The following THSD1 variants were observed in gnomAD, a reference collection of about 807,000 sequenced individuals.
THSD1 encodes thrombospondin type 1 domain containing 1, also known as thrombospondin type-1 domain-containing protein 1.
In THSD1, 34 loss-of-function variants were observed where a neutral mutation model predicts 46.3. The ratio of observed to expected loss-of-function variants is 0.74; its 90% confidence interval spans 0.56 to 0.98. The LOEUF (loss-of-function observed/expected upper bound fraction) is 0.98, where lower values mean the gene tolerates loss of function less well. Ranked by LOEUF, THSD1 falls within the 50% of genes least tolerant of loss-of-function variation. The pLI, the probability that THSD1 is intolerant of heterozygous loss-of-function variation, is 0.00. For missense variants in THSD1, 1,023 were observed against 1,058.3 expected (o/e 0.97, Z 0.46); for synonymous variants, 407 against 416.5 (o/e 0.98, Z 0.28).
Position 52,377,299 on chromosome 13 carries a change from C to G in THSD1, c.*112G>C. The G allele has an allele frequency of 7.1e-7, 1 of 1,398,838 alleles. No individual in the cohort carries two copies. Among genetic ancestry groups the G allele is most frequent in the Non-Finnish European group, 9.3e-7 (1 of 1,070,706 alleles). 86.7% of individuals were successfully genotyped at this position (1,398,838 alleles called of 1,614,324 possible). On this transcript the variant is annotated 3_prime_UTR_variant, in exon 5 of 5. Transcript: ENST00000258613. ...CACATGCATACACACACATCCTCCT[C>G]TGTGTGTTACTTCCTCCTCACATTC... is the stretch of plus-strand genomic sequence containing the variant.
chr13:52,399,683 A>ATTTG (rs1957838832), intron 2 of THSD1, among the ~76,000 whole-genome samples: 1 of 152,346 alleles, frequency 6.6e-6, no homozygotes, highest in Non-Finnish European at 1.5e-5. Context: ...CACTTGTTTG[A>ATTTG]AAACCATAAT....
At chr13:52,385,194 A>C (rs967876207) in intron 4 of THSD1, among the ~76,000 whole-genome samples, 6 of 152,182 alleles carry the variant, frequency 3.9e-5, no homozygotes, top group African/African-American at 1.2e-4. Context: ...GGAATTGGAG[A>C]GTACAATGAC....
chr13:52,382,258 T>TAAA (rs1957698885), intron 4 of THSD1, among the ~76,000 whole-genome samples: 1 of 152,156 alleles, frequency 6.6e-6, no homozygotes, highest in Admixed American at 6.5e-5. Flanking sequence ...TTCACACAGT[T>TAAA]GCCAGTACTA....
chr13:52,385,577 C>A (rs1041530262), intron 4 of THSD1, among the ~76,000 whole-genome samples: 1 of 152,100 alleles, frequency 6.6e-6, no homozygotes, highest in African/African-American at 2.4e-5. Context: ...GACAGGGAGT[C>A]TTGCCCCATT....
chr13:52,404,550 T>G (rs1957892128), intron 1 of THSD1, among the ~76,000 whole-genome samples: 1 of 152,224 alleles, frequency 6.6e-6, no homozygotes, highest in Admixed American at 6.5e-5. Context: ...AAAATTGTTT[T>G]GGGTGGAATT....
At chr13:52,391,713 T>G (rs560159376) in intron 3 of THSD1, among the ~76,000 whole-genome samples, 1 of 151,864 alleles carries the variant, frequency 6.6e-6, no homozygotes, top group Non-Finnish European at 1.5e-5. Context: ...CCGGCTAATT[T>G]TTGTATATTT....
intron 2 of THSD1, 141 bp from the exon 3 acceptor site, chr13:52,398,335 A>G (rs1002153143): frequency 3.7e-6 from 5 of 1,335,508 alleles, no homozygotes; most frequent in African/African-American, 3.0e-5. Context: ...CAGTGGCGCA[A>G]TCACTGCTCG....
chr13:52,402,575 G>GA lies in THSD1; in HGVS notation c.25dup (p.Ser9PhefsTer10). Reference sequence around the variant, plus strand: ...ACAGAGTACCACCAACAATAGATTTGAAAAGTCTTTCAACATTGGTTTCAT... The same window carrying GA: ...ACAGAGTACCACCAACAATAGATTTGAAAAAGTCTTTCAACATTGGTTTCAT... On this transcript the variant is annotated frameshift_variant, in exon 2 of 5. Transcript: ENST00000258613. LOFTEE classifies it high-confidence loss of function. The GA allele has an allele frequency of 6.2e-7, 1 of 1,613,868 alleles. No homozygotes were observed. The highest frequency in any genetic ancestry group is 8.5e-7 in the Non-Finnish European group (1 of 1,179,892).
chr13:52,377,498 C>T lies in THSD1; in HGVS notation c.2472G>A (p.Gln824=), dbSNP rs1957641734. 1 of 1,589,264 alleles carries T rather than the reference C, an allele frequency of 6.3e-7. No homozygotes were observed. The highest frequency in any genetic ancestry group is 1.3e-5 in the African/African-American group (1 of 74,474). Residue 824 remains glutamine (Q), a synonymous_variant, in exon 5 of 5, where the codon CAG becomes CAA. Transcript: ENST00000258613. The part of the protein sequence containing the change: ...NTSFGLTEAE[Q]RMLDLPGYFG... ...AATATCCTGGGAGGTCCAGCATCCT[C>T]TGCTCAGCCTCAGTGAGGCCAAACG...
intron 4 of THSD1, among the ~76,000 whole-genome samples, chr13:52,382,722 C>T (rs9536047): frequency 0.058 from 8,884 of 152,188 alleles, 306 homozygotes; most frequent in African/African-American, 0.091. Flanking sequence ...CCTCCTTGGC[C>T]GGGTGTGGTG....
chr13:52,385,511 GA>G (rs1460051631), intron 4 of THSD1, among the ~76,000 whole-genome samples: 5 of 152,184 alleles, frequency 3.3e-5, no homozygotes, highest in Non-Finnish European at 7.3e-5. Flanking sequence ...ACAGCATGAA[GA>G]AATGTCCCTC....
intron 3 of THSD1, among the ~76,000 whole-genome samples, chr13:52,387,868 GAGA>G (rs1285329444): frequency 6.6e-6 from 1 of 152,140 alleles, no homozygotes; most frequent in African/African-American, 2.4e-5. Context: ...GGAATACCAG[GAGA>G]AGAAGATAGA....
At chr13:52,390,864 CA>C (rs1957767998) in intron 3 of THSD1, among the ~76,000 whole-genome samples, 1 of 151,840 alleles carries the variant, frequency 6.6e-6, no homozygotes, top group South Asian at 2.1e-4. Context: ...TGCATAAAGT[CA>C]TTTGTCAAAC....
chr13:52,401,526 C>T (rs1471861059), intron 2 of THSD1, among the ~76,000 whole-genome samples: 1 of 151,982 alleles, frequency 6.6e-6, no homozygotes, highest in Non-Finnish European at 1.5e-5. Flanking sequence ...GTCTTGGTCT[C>T]CTGACCTGGT....
chr13:52,390,031 T>A (rs1203807420), intron 3 of THSD1, among the ~76,000 whole-genome samples: 1 of 151,612 alleles, frequency 6.6e-6, no homozygotes, highest in Non-Finnish European at 1.5e-5. Context: ...TACCAGCTAC[T>A]CGGGAGACTG....
intron 1 of THSD1, among the ~76,000 whole-genome samples, chr13:52,405,177 G>C (rs1316871482): frequency 6.6e-6 from 1 of 152,172 alleles, no homozygotes. Flanking sequence ...AATTCTAAAT[G>C]CATCAGCTGA....
chr13:52,397,734 G>T lies in THSD1; in HGVS notation c.519C>A (p.Asn173Lys). 6.2e-7 allele frequency: 1 copy of T among 1,614,236 alleles called. No homozygotes were observed. The highest frequency in any genetic ancestry group is 8.5e-7 in the Non-Finnish European group (1 of 1,180,048). ...AATTTCTTCTTGCCTCAGGAAGACT[G>T]TTGGTGAAGATGACATCCACTACGA... The part of the protein sequence containing the change: ...PNIVVDVIFT[N>K]SLPEARRNSR... The change falls in exon 3 of 5, where the codon AAC becomes AAA. Residue 173 changes from asparagine (N) to lysine (K), a missense_variant. Physicochemically the swap from Asn to Lys is moderately conservative, Grantham distance 94. Coordinates refer to ENST00000258613, the MANE Select transcript of THSD1 (RefSeq NM_018676.4).
At chr13:52,394,291 T>A (rs1957795766) in intron 3 of THSD1, among the ~76,000 whole-genome samples, 1 of 152,206 alleles carries the variant, frequency 6.6e-6, no homozygotes, top group Non-Finnish European at 1.5e-5. Context: ...GTCAGTTTTT[T>A]TTCCCCATGA....
intron 3 of THSD1, among the ~76,000 whole-genome samples, chr13:52,395,692 G>A (rs553370157): frequency 1.3e-5 from 2 of 152,264 alleles, no homozygotes; most frequent in Admixed American, 6.5e-5. Flanking sequence ...AAGCAGGGAG[G>A]TGGGAGGTGA....
Sources: gnomAD v4.1 joint callset for allele counts (sites outside exome capture counted in the v4.1 genomes callset) on GRCh38, gnomAD v4.1.1 for gene constraint, MANE v1.5 for transcripts, NCBI Gene and HGNC (gene_info 2026-07-23, HGNC 2026-07-21) for gene names.